Variants in ARL15 observed in about 807,000 individuals in gnomAD.
ARL15 encodes ADP-ribosylation factor-like protein 15.
ARL15 carries 19 observed loss-of-function variants against 25.2 expected under a neutral mutation model. That is an observed-to-expected ratio of 0.75 (90% CI 0.53 to 1.10). The LOEUF (loss-of-function observed/expected upper bound fraction) is 1.10, where lower values mean the gene tolerates loss of function less well. ARL15 is among the 50% of genes least tolerant of loss of function. The probability of loss-of-function intolerance (pLI) is 0.00; values close to 1 mark genes in which losing one functional copy is unlikely to be tolerated. For synonymous variants in ARL15, 94 were observed against 86.8 expected (o/e 1.08, Z -0.46); for missense variants, 220 against 246.0 (o/e 0.89, Z 0.71).
chr5:54,154,879 T>A (rs569936222), intron 2 of ARL15, among the ~76,000 whole-genome samples: 1 of 152,304 alleles, frequency 6.6e-6, no homozygotes, highest in East Asian at 1.9e-4. Flanking sequence ...TCCCAACACT[T>A]TGGGAAGCCA....
intron 4 of ARL15, among the ~76,000 whole-genome samples, chr5:54,051,164 C>A (rs1480122989): frequency 2.6e-5 from 4 of 152,140 alleles, no homozygotes. Flanking sequence ...GTGGCACATG[C>A]GTCAAGTCTC....
At chr5:54,157,131 C>A (rs1480416951) in intron 2 of ARL15, among the ~76,000 whole-genome samples, 1 of 151,786 alleles carries the variant, frequency 6.6e-6, no homozygotes, top group African/African-American at 2.4e-5. Flanking sequence ...AAGACAGGCA[C>A]AGGCCTCAAC....
chr5:54,029,996 C>CAAAT (rs1223275517), intron 4 of ARL15, among the ~76,000 whole-genome samples: 10 of 151,832 alleles, frequency 6.6e-5, no homozygotes. Context: ...GACTCCATCT[C>CAAAT]AAATAAATAA....
intron 1 of ARL15, among the ~76,000 whole-genome samples, chr5:54,206,266 G>A (rs1395942538): frequency 2.0e-5 from 3 of 152,154 alleles, no homozygotes; most frequent in Admixed American, 6.6e-5. Context: ...AACCTTCTGA[G>A]TTTGTACTCT....
intron 4 of ARL15, among the ~76,000 whole-genome samples, chr5:54,003,725 G>A (rs897073342): frequency 6.7e-6 from 1 of 149,510 alleles, no homozygotes; most frequent in South Asian, 2.1e-4. Context: ...TCTCTACTTT[G>A]GCCTGGAATT....
intron 4 of ARL15, among the ~76,000 whole-genome samples, chr5:54,070,376 A>G (rs577446199): frequency 4.2e-4 from 64 of 151,418 alleles, no homozygotes; most frequent in African/African-American, 1.5e-3. Context: ...TGGGCGACAG[A>G]GCGAGACTCC....
intron 1 of ARL15, among the ~76,000 whole-genome samples, chr5:54,218,014 G>A (rs1304444277): frequency 6.6e-6 from 1 of 152,086 alleles, no homozygotes; most frequent in Admixed American, 6.6e-5. Flanking sequence ...GAAATGTTAG[G>A]CAGTATTTGC....
chr5:54,240,261 T>C (rs1756925248), intron 1 of ARL15, among the ~76,000 whole-genome samples: 2 of 59,068 alleles, frequency 3.4e-5, no homozygotes, highest in African/African-American at 2.4e-4. Context: ...TCGCCAATAA[T>C]TTTTTTTTTT....
chr5:54,219,831 T>G (rs1262889811), intron 1 of ARL15, among the ~76,000 whole-genome samples: 2 of 152,242 alleles, frequency 1.3e-5, no homozygotes, highest in African/African-American at 4.8e-5. Flanking sequence ...CTAACTGTTC[T>G]TTAAAAGCCA....
chr5:54,127,863 C>T (rs889176993), intron 3 of ARL15, among the ~76,000 whole-genome samples: 4 of 151,232 alleles, frequency 2.6e-5, no homozygotes, highest in Non-Finnish European at 4.4e-5. Context: ...GAAATAATGC[C>T]GCATATCTAC....
rs1052488744 is a variant in ARL15, at chr5:54,052,350, A to G, written c.462+60852T>C. On this transcript the variant is annotated intron_variant, in intron 4 of 4. Transcript: ENST00000504924. Reference sequence around the variant, plus strand: ...AATCTAAATATATTATAAATAATCTAAACATATTACATTGCATACAACAAC... The same window carrying G: ...AATCTAAATATATTATAAATAATCTGAACATATTACATTGCATACAACAAC... 2.6e-5 allele frequency among the ~76,000 whole-genome samples: 4 copies of G among 152,200 alleles called. No individual in the cohort carries two copies. In the East Asian group the frequency reaches 5.8e-4, roughly 22 times the overall value.
At chr5:54,263,207 G>T (rs1757539843) in intron 1 of ARL15, among the ~76,000 whole-genome samples, 1 of 151,962 alleles carries the variant, frequency 6.6e-6, no homozygotes, top group African/African-American at 2.4e-5. Flanking sequence ...ATGCAAAAAA[G>T]GAATTCTAAT....
Position 54,044,362 on chromosome 5 carries a change from G to A in ARL15, c.462+68840C>T, listed in dbSNP as rs374929262. Among the ~76,000 whole-genome samples, 4 of 150,218 alleles carry A rather than the reference G, an allele frequency of 2.7e-5. No homozygotes were observed. The East Asian group carries it at 7.9e-4, about 30-fold the overall frequency. ...GAGTTCAAGCAATTCTCCTGCCTTA[G>A]CCTCCCAAGTAGCTAGGATTACAGG... On this transcript the variant is annotated intron_variant, in intron 4 of 4. Transcript: ENST00000504924.
intron 4 of ARL15, among the ~76,000 whole-genome samples, chr5:54,025,903 AG>A (rs1268118142): frequency 6.6e-6 from 1 of 152,200 alleles, no homozygotes; most frequent in Non-Finnish European, 1.5e-5. Flanking sequence ...TTATTTCTTA[AG>A]GTGCCTCTTT....
chr5:53,918,181 TTTTATTTA>T (rs112974035), intron 4 of ARL15, among the ~76,000 whole-genome samples: 1 of 151,954 alleles, frequency 6.6e-6, no homozygotes, highest in African/African-American at 2.4e-5. Flanking sequence ...AAAAAGCAGA[TTTTATTTA>T]TTTATTTATT....
At chr5:54,243,415 G>A (rs1004945340) in intron 1 of ARL15, among the ~76,000 whole-genome samples, 1 of 152,172 alleles carries the variant, frequency 6.6e-6, no homozygotes, top group African/African-American at 2.4e-5. Context: ...AGCACAGACT[G>A]TGTTATAAAC....
chr5:54,025,491 T>C (rs1749763022), intron 4 of ARL15, among the ~76,000 whole-genome samples: 1 of 152,180 alleles, frequency 6.6e-6, no homozygotes, highest in Non-Finnish European at 1.5e-5. Flanking sequence ...TAGTACATCA[T>C]AATCACATTT....
At position 54,086,189 on chromosome 5, in the gene ARL15, C is replaced by T. The variant is rs112283373; in HGVS notation, c.462+27013G>A. Reference sequence around the variant, plus strand: ...TCGGCCTTCCAAAGTGCTGGGATTACAGCCATGAGCCACCGTACTTGGCCT... The same window carrying T: ...TCGGCCTTCCAAAGTGCTGGGATTATAGCCATGAGCCACCGTACTTGGCCT... On this transcript the variant is annotated intron_variant, in intron 4 of 4. Coordinates refer to ENST00000504924, the MANE Select transcript of ARL15 (RefSeq NM_019087.3). 3.1e-3 allele frequency among the ~76,000 whole-genome samples: 468 copies of T among 152,256 alleles called. 6 individuals carry two copies. The highest frequency in any genetic ancestry group is 0.011 in the African/African-American group (453 of 41,540).
chr5:54,168,478 C>G (rs1285751997), intron 2 of ARL15, among the ~76,000 whole-genome samples: 1 of 151,648 alleles, frequency 6.6e-6, no homozygotes, highest in Non-Finnish European at 1.5e-5. Context: ...TTCCTTTCCT[C>G]TTGAATACCC....
Sources: allele counts gnomAD v4.1 joint callset (sites outside exome capture counted in the v4.1 genomes callset), GRCh38; gene constraint gnomAD v4.1.1; transcripts MANE v1.5; gene names NCBI Gene and HGNC (gene_info 2026-07-23, HGNC 2026-07-21).